Variants in ANTXR1 observed in about 807,000 individuals in gnomAD.
ANTXR1 encodes anthrax toxin receptor 1.
ANTXR1 carries 19 observed loss-of-function variants against 78.1 expected under a neutral mutation model. The observed-to-expected ratio is 0.24, with a 90% confidence interval of 0.17 to 0.36. The LOEUF (loss-of-function observed/expected upper bound fraction) is 0.36. ANTXR1 is among the 10% of genes least tolerant of loss of function. ANTXR1 has a pLI of 1.00. For missense variants in ANTXR1, 518 were observed against 718.6 expected (o/e 0.72, Z 3.19); for synonymous variants, 273 against 260.5 (o/e 1.05, Z -0.46).
chr2:69,052,870 TCA>T (rs10617467), intron 3 of ANTXR1, among the ~76,000 whole-genome samples: 8,333 of 152,230 alleles, frequency 0.055, 703 homozygotes, highest in African/African-American at 0.19. Flanking sequence ...GCTTCTGTTT[TCA>T]CAGTCACCCA....
At chr2:69,128,031 C>T (rs1216464486) in intron 12 of ANTXR1, among the ~76,000 whole-genome samples, 1 of 152,086 alleles carries the variant, frequency 6.6e-6, no homozygotes, top group Admixed American at 6.5e-5. Flanking sequence ...TTAAGACCAG[C>T]CTGCCCAACA....
At chr2:69,129,958 C>A (rs2104393400) in intron 12 of ANTXR1, among the ~76,000 whole-genome samples, 1 of 152,258 alleles carries the variant, frequency 6.6e-6, no homozygotes, top group East Asian at 1.9e-4. Context: ...GAGACACCAA[C>A]CCGAACCAGG....
intron 12 of ANTXR1, among the ~76,000 whole-genome samples, chr2:69,144,174 G>T (rs902990634): frequency 6.6e-6 from 1 of 152,182 alleles, no homozygotes; most frequent in Non-Finnish European, 1.5e-5. Flanking sequence ...CCTCCAAGGC[G>T]CCAGTCCTGT....
At chr2:69,212,646 T>G (rs752190917) in intron 17 of ANTXR1, among the ~76,000 whole-genome samples, 26 of 152,188 alleles carry the variant, frequency 1.7e-4, no homozygotes, top group Admixed American at 7.2e-4. Flanking sequence ...TAATACAATA[T>G]CCAGTTAGTA....
intron 17 of ANTXR1, among the ~76,000 whole-genome samples, chr2:69,235,619 T>G (rs1235369513): frequency 1.6e-5 from 2 of 121,626 alleles, no homozygotes; most frequent in African/African-American, 6.6e-5. Context: ...ACCACTGCAC[T>G]CCAACCTGGG....
At chr2:69,142,159 C>T (rs1573927629) in intron 12 of ANTXR1, among the ~76,000 whole-genome samples, 1 of 152,228 alleles carries the variant, frequency 6.6e-6, no homozygotes, top group African/African-American at 2.4e-5. Context: ...AGCCCAAGCT[C>T]TTTGCCATGA....
At chr2:69,076,240 G>T (rs548003378) in intron 7 of ANTXR1, among the ~76,000 whole-genome samples, 3 of 152,182 alleles carry the variant, frequency 2.0e-5, no homozygotes, top group African/African-American at 4.8e-5. Flanking sequence ...GCCTCCTAAA[G>T]TGTTGAGATT....
chr2:69,145,218 T>G, intron 12 of ANTXR1: 3 of 1,169,292 alleles, frequency 2.6e-6, no homozygotes, highest in Non-Finnish European at 3.7e-6. Context: ...CTGATTCGCT[T>G]AAACTTTAGG....
At chr2:69,202,443 G>T (rs1674795445) in intron 17 of ANTXR1, among the ~76,000 whole-genome samples, 1 of 152,190 alleles carries the variant, frequency 6.6e-6, no homozygotes, top group South Asian at 2.1e-4. Context: ...AACAAACAAT[G>T]GGAGGGAGAG....
chr2:69,128,739 T>C (rs13419507), intron 12 of ANTXR1, among the ~76,000 whole-genome samples: 1 of 152,054 alleles, frequency 6.6e-6, no homozygotes, highest in Non-Finnish European at 1.5e-5. Context: ...TCTTGGACTT[T>C]CGTTTGTTTC....
At chr2:69,121,991 C>T (rs1384678072) in intron 10 of ANTXR1, among the ~76,000 whole-genome samples, 1 of 152,214 alleles carries the variant, frequency 6.6e-6, no homozygotes, top group Non-Finnish European at 1.5e-5. Flanking sequence ...CTCTGATTCA[C>T]CTTCTACAGC....
intron 3 of ANTXR1, among the ~76,000 whole-genome samples, chr2:69,054,423 T>G (rs1670013704): frequency 2.0e-5 from 3 of 152,162 alleles, no homozygotes; most frequent in South Asian, 4.1e-4. Flanking sequence ...CCGCTATACA[T>G]TTCATCTTCA....
intron 13 of ANTXR1, among the ~76,000 whole-genome samples, chr2:69,169,326 GATA>G (rs1224542971): frequency 6.6e-6 from 1 of 152,258 alleles, no homozygotes; most frequent in Non-Finnish European, 1.5e-5. Flanking sequence ...CCAAAATTCT[GATA>G]ATAAGTTTGG....
At chr2:69,028,498 GA>G (rs991670844) in intron 1 of ANTXR1, among the ~76,000 whole-genome samples, 2 of 151,228 alleles carry the variant, frequency 1.3e-5, no homozygotes, top group Non-Finnish European at 2.9e-5. Flanking sequence ...ACTTACACAT[GA>G]AAAAAAATAA....
intron 14 of ANTXR1, 61 bp downstream of exon 14, chr2:69,170,350 G>GCCCA: frequency 1.3e-6 from 2 of 1,598,360 alleles, no homozygotes; most frequent in Non-Finnish European, 1.7e-6. Context: ...GTGGAGAGCT[G>GCCCA]GCTGGGCAGC....
rs146687334 is a variant in ANTXR1 at position 69,171,203 on chromosome 2, G to C, written c.1089+914G>C. Among the ~76,000 whole-genome samples, 5 of 152,336 alleles carry C rather than the reference G, an allele frequency of 3.3e-5. No individual in the cohort carries two copies. In the East Asian group the frequency reaches 5.8e-4, roughly 18 times the overall value. On this transcript the variant is annotated intron_variant, in intron 14 of 17. Coordinates refer to ENST00000303714, the MANE Select transcript of ANTXR1 (RefSeq NM_032208.3). ...GTCAAGTTTCCTACATACAGAAAGA[G>C]TAATGATTAAATTAAAAATTCCATG...
chr2:69,040,138 T>A (rs1669571569), intron 2 of ANTXR1, 23 bp downstream of exon 2: 1 of 1,604,958 alleles, frequency 6.2e-7, no homozygotes, highest in African/African-American at 1.3e-5. Flanking sequence ...ATGCATTTTG[T>A]TCACTTGTAG....
At chr2:69,134,328 G>T (rs146444019) in intron 12 of ANTXR1, among the ~76,000 whole-genome samples, 78 of 152,272 alleles carry the variant, frequency 5.1e-4, no homozygotes, top group Middle Eastern at 3.4e-3. Context: ...AACACATGCA[G>T]CTATACCTTT....
intron 9 of ANTXR1, among the ~76,000 whole-genome samples, chr2:69,102,243 A>G (rs1185382553): frequency 6.6e-6 from 1 of 152,188 alleles, no homozygotes; most frequent in Non-Finnish European, 1.5e-5. Context: ...GTATCAAACA[A>G]CTCCTGACCT....
Sources: allele counts gnomAD v4.1 joint callset (sites outside exome capture counted in the v4.1 genomes callset), GRCh38; gene constraint gnomAD v4.1.1; transcripts MANE v1.5; gene names NCBI Gene and HGNC (gene_info 2026-07-23, HGNC 2026-07-21).